ABAT: variants seen among roughly 807,000 people sequenced by gnomAD.
ABAT encodes 4-aminobutyrate aminotransferase.
A neutral mutation model predicts 64.6 loss-of-function variants in ABAT; 45 were observed. The ratio of observed to expected loss-of-function variants is 0.70; its 90% confidence interval spans 0.55 to 0.89. The LOEUF (loss-of-function observed/expected upper bound fraction) is 0.89. Among genes scored for constraint, ABAT ranks in the 40% least tolerant of loss-of-function variants. ABAT has a pLI of 0.00. For missense variants in ABAT, 633 were observed against 658.4 expected, an observed-to-expected ratio of 0.96 and a Z score of 0.42; for synonymous variants, 297 against 250.5, an observed-to-expected ratio of 1.19 and a Z score of -1.75.
At chr16:8,677,966 G>A (rs2057242760) in intron 1 of ABAT, among the ~76,000 whole-genome samples, 1 of 152,060 alleles carries the variant, frequency 6.6e-6, no homozygotes, top group Non-Finnish European at 1.5e-5. Context: ...GGCTGAGGTG[G>A]GGGGATTGCT....
In ABAT at chr16:8,743,459, ATATAT is replaced by A. The variant is rs1232465396; in HGVS notation, c.71-2536_71-2532del. ...TATATATATATACACACATTTTATA[ATATAT>A]TATATAATATATATTTTAGTTATAA... On this transcript the variant is annotated intron_variant, in intron 2 of 15. Coordinates refer to ENST00000268251, the MANE Select transcript of ABAT (RefSeq NM_020686.6). Among the ~76,000 whole-genome samples, 675 of 140,646 alleles carry A rather than the reference ATATAT, an allele frequency of 4.8e-3. 8 individuals carry two copies. Among genetic ancestry groups the A allele is most frequent in the African/African-American group, 0.015 (574 of 37,320 alleles). 92.3% of individuals were successfully genotyped at this position (140,646 alleles called of 152,430 possible).
rs2060501579 is a variant in ABAT at position 8,784,405 on chromosome 16, A to C, written c.*2975A>C. The C allele has an allele frequency of 6.5e-6, 1 of 152,678 alleles. No individual in the cohort carries two copies. The highest frequency in any genetic ancestry group is 2.1e-4 in the South Asian group (1 of 4,834). 9.5% of individuals were successfully genotyped at this position (152,678 alleles called of 1,614,324 possible). A position where few individuals can be genotyped will look rare whatever the true frequency, so the allele number is the denominator to read the frequency against. On this transcript the variant is annotated 3_prime_UTR_variant, in exon 16 of 16. Transcript: ENST00000268251. ...ATAGCTAAGTAGCATCGCAGACTTAAGCGTACAAAGTGATCTTGTTCACAA... is the reference window on the plus strand; with the variant it reads ...ATAGCTAAGTAGCATCGCAGACTTACGCGTACAAAGTGATCTTGTTCACAA...
chr16:8,729,580 G>C (rs1301314875), intron 1 of ABAT, among the ~76,000 whole-genome samples: 13 of 152,044 alleles, frequency 8.6e-5, no homozygotes, highest in Non-Finnish European at 2.9e-5. Context: ...AGCACTTCAG[G>C]AGCCAAGATG....
chr16:8,763,508 A>G (rs531067384), intron 6 of ABAT, among the ~76,000 whole-genome samples: 2 of 152,282 alleles, frequency 1.3e-5, no homozygotes, highest in African/African-American at 2.4e-5. Flanking sequence ...TGGTTTTTGG[A>G]TTTGCACTGA....
rs1567312728 is a variant in ABAT, at chr16:8,768,261, G to A, written c.667+5G>A. 6.2e-7 allele frequency: 1 copy of A among 1,613,956 alleles called. No homozygotes were observed. Among genetic ancestry groups the A allele is most frequent in the East Asian group, 2.2e-5 (1 of 44,888 alleles). On this transcript the variant is annotated splice_donor_5th_base_variant and intron_variant, in intron 10 of 15. Coordinates refer to ENST00000268251, the MANE Select transcript of ABAT (RefSeq NM_020686.6). Reference sequence around the variant, plus strand: ...CGTTCCATGGGAGGACCATGGGTAAGGAGGGACCATTGCGCTCCCAAGGTG... The same window carrying A: ...CGTTCCATGGGAGGACCATGGGTAAAGAGGGACCATTGCGCTCCCAAGGTG...
chr16:8,754,726 T>C (rs183256814), intron 5 of ABAT, among the ~76,000 whole-genome samples: 8 of 142,536 alleles, frequency 5.6e-5, no homozygotes, highest in East Asian at 2.1e-4. Context: ...TTCTTTCTTT[T>C]TTTTTTCTTG....
rs1174585175 is a variant in ABAT at position 8,768,840 on chromosome 16, C to T, written c.683C>T (p.Thr228Met). The change falls in exon 11 of 16, where the codon ACG (threonine) becomes ATG (methionine). Residue 228 changes from threonine to methionine, a missense_variant. By Grantham distance (81) the Thr-to-Met change is moderately conservative. Coordinates refer to ENST00000268251, the MANE Select transcript of ABAT (RefSeq NM_020686.6). ...CTGAACTCAGGTTGCTTAGCGACCACGCACTCTAAAGCCATTCACAAGATC... is the reference window on the plus strand; with the variant it reads ...CTGAACTCAGGTTGCTTAGCGACCATGCACTCTAAAGCCATTCACAAGATC... ...HGRTMGCLATTHSKAIHKIDI... is the reference protein window; with the variant it reads ...HGRTMGCLATMHSKAIHKIDI... The T allele has an allele frequency of 6.2e-6, 10 of 1,614,174 alleles. No individual in the cohort carries two copies. Among genetic ancestry groups the T allele is most frequent in the Non-Finnish European group, 8.5e-6 (10 of 1,180,036 alleles).
chr16:8,732,203 TTTTTTG>T (rs1008680879), intron 1 of ABAT, among the ~76,000 whole-genome samples: 8 of 20,422 alleles, frequency 3.9e-4, no homozygotes, highest in Admixed American at 7.4e-4. Context: ...TTTGTTTTTT[TTTTTTG>T]TTTGTTTGTT....
chr16:8,780,763 T>TAAAA, intron 15 of ABAT: 1 of 136,702 alleles, frequency 7.3e-6, no homozygotes, highest in Non-Finnish European at 1.5e-5. Context: ...ACTCCATCTC[T>TAAAA]AAAAAAAAAA....
At chr16:8,725,675 G>A (rs574334431) in intron 1 of ABAT, among the ~76,000 whole-genome samples, 74 of 152,194 alleles carry the variant, frequency 4.9e-4, no homozygotes, top group Non-Finnish European at 9.6e-4. Context: ...GTGCTGCTAT[G>A]TGTATTTGTT....
chr16:8,758,810 G>A lies in ABAT; in HGVS notation c.366+1004G>A, dbSNP rs146685707. 3.8e-3 allele frequency among the ~76,000 whole-genome samples: 573 copies of A among 152,238 alleles called. 5 individuals are homozygous for A. Among genetic ancestry groups the A allele is most frequent in the African/African-American group, 0.013 (547 of 41,540 alleles). ...AGAGCCATTGCACATTTATACTAAAGAATATGGCCAGGCACGGTGGCTCAC... is the reference window on the plus strand; with the variant it reads ...AGAGCCATTGCACATTTATACTAAAAAATATGGCCAGGCACGGTGGCTCAC... On this transcript the variant is annotated intron_variant, in intron 6 of 15. Transcript: ENST00000268251.
At chr16:8,689,257 A>G (rs2057526854) in intron 1 of ABAT, among the ~76,000 whole-genome samples, 1 of 152,198 alleles carries the variant, frequency 6.6e-6, no homozygotes, top group Non-Finnish European at 1.5e-5. Flanking sequence ...CATTTGGCCC[A>G]GTATCACTGC....
chr16:8,697,195 C>T (rs985957543), intron 1 of ABAT, among the ~76,000 whole-genome samples: 3 of 152,090 alleles, frequency 2.0e-5, no homozygotes, highest in Non-Finnish European at 4.4e-5. Context: ...TTTCGGGCCC[C>T]GGGGGAAACT....
intron 1 of ABAT, chr16:8,722,900 AGCAC>A: frequency 3.1e-6 from 4 of 1,278,884 alleles, no homozygotes; most frequent in Non-Finnish European, 4.1e-6. Context: ...TGGAACTCTT[AGCAC>A]GCTTGTCAGG....
chr16:8,681,618 G>A (rs371026978), intron 1 of ABAT, among the ~76,000 whole-genome samples: 1 of 149,088 alleles, frequency 6.7e-6, no homozygotes, highest in East Asian at 2.0e-4. Flanking sequence ...CATTAGAGTG[G>A]CCCCTAATCC....
At chr16:8,737,991 G>GGAAGAAAGAAAAAGAAAGAAAGAAAGAAA (rs1567295685) in intron 2 of ABAT, among the ~76,000 whole-genome samples, 1 of 14,952 alleles carries the variant, frequency 6.7e-5, no homozygotes, top group African/African-American at 2.8e-4. Context: ...GAAGGAAGGA[G>GGAAGAAAGAAAAAGAAAGAAAGAAAGAAA]GAAAGAAAGA....
intron 6 of ABAT, among the ~76,000 whole-genome samples, chr16:8,758,781 A>T (rs182401264): frequency 7.9e-4 from 121 of 152,230 alleles, no homozygotes; most frequent in African/African-American, 2.7e-3. Context: ...CCGAAGAGAG[A>T]TAGAGAGCCA....
Position 8,781,764 on chromosome 16 carries a change from C to G in ABAT, c.*334C>G, listed in dbSNP as rs2060444993. On this transcript the variant is annotated 3_prime_UTR_variant, in exon 16 of 16. Transcript: ENST00000268251. The surrounding 1 kb of genome is among the most constrained non-coding windows in gnomAD (Gnocchi z 4.5). Reference sequence around the variant, plus strand: ...CCCAGCAATTTTTCCAAAAGCCAGTCAAGGGCATTACATTTGTTCCTGGGA... The same window carrying G: ...CCCAGCAATTTTTCCAAAAGCCAGTGAAGGGCATTACATTTGTTCCTGGGA... The G allele has an allele frequency of 7.3e-6, 3 of 412,892 alleles. No homozygotes were observed. The highest frequency in any genetic ancestry group is 3.6e-5 in the Admixed American group (1 of 27,990). The allele number at this position is 412,892 out of a possible 1,614,324, so 25.6% of individuals were successfully genotyped here. A position where few individuals can be genotyped will look rare whatever the true frequency, so the allele number is the denominator to read the frequency against.
At chr16:8,704,321 C>G (rs1195103462) in intron 1 of ABAT, among the ~76,000 whole-genome samples, 1 of 152,346 alleles carries the variant, frequency 6.6e-6, no homozygotes, top group East Asian at 1.9e-4. Context: ...AATGCCACGT[C>G]AAGTTACTCA....
Sources: gnomAD v4.1 joint callset for allele counts (sites outside exome capture counted in the v4.1 genomes callset) on GRCh38, gnomAD v4.1.1 for gene constraint, Gnocchi (gnomAD v3.1) non-coding constraint, MANE v1.5 for transcripts, NCBI Gene and HGNC (gene_info 2026-07-23, HGNC 2026-07-21) for gene names.